CALN1: variants seen among roughly 807,000 people sequenced by gnomAD.
CALN1 encodes calneuron 1.
CALN1 carries 17 observed loss-of-function variants against 30.6 expected under a neutral mutation model. The observed-to-expected ratio is 0.56, with a 90% CI of 0.38 to 0.83. The LOEUF (loss-of-function observed/expected upper bound fraction) is 0.83, where lower values mean the gene tolerates loss of function less well. Ranked by LOEUF, CALN1 falls within the 40% of genes least tolerant of loss-of-function variation. CALN1 has a pLI of 0.00. For synonymous variants in CALN1, 156 were observed against 131.4 expected (o/e 1.19, Z -1.28); for missense variants, 291 against 354.9 (o/e 0.82, Z 1.45).
intron 3 of CALN1, among the ~76,000 whole-genome samples, chr7:72,214,913 T>C (rs946856752): frequency 1.3e-5 from 2 of 150,522 alleles, no homozygotes; most frequent in Non-Finnish European, 2.9e-5. Context: ...TCTGTCACCG[T>C]CTCCCATCAC....
the CALN1 span, among the ~76,000 whole-genome samples, chr7:72,456,616 C>T: frequency 7.9e-5 from 12 of 152,060 alleles, no homozygotes; most frequent in Admixed American, 2.0e-4. Context: ...CTTTGGAAGG[C>T]CGAGGCTGGC....
chr7:71,810,593 G>A, intron 5 of CALN1, 101 bp from the exon 6 acceptor site: 1 of 1,201,636 alleles, frequency 8.3e-7, no homozygotes, highest in Non-Finnish European at 1.2e-6. Flanking sequence ...GCAGAAACTT[G>A]TCTCAGCGTT....
In CALN1 at chr7:72,089,227, A is replaced by C. The variant is rs547568999; in HGVS notation, c.388+16924T>G. On this transcript the variant is annotated intron_variant, in intron 4 of 6. Transcript: ENST00000395275. ...CTTATCTTCCATAAAAAAGGTATTA[A>C]TCATTTGTAACTGATATTAGCTGTT... is the stretch of plus-strand genomic sequence containing the variant. Among the ~76,000 whole-genome samples, 16 of 152,286 alleles carry C rather than the reference A, an allele frequency of 1.1e-4. No homozygotes were observed. In the South Asian group the frequency reaches 3.3e-3, roughly 32 times the overall value.
chr7:72,421,053 T>C (rs1342704162), intron 1 of CALN1, among the ~76,000 whole-genome samples: 1 of 152,188 alleles, frequency 6.6e-6, no homozygotes, highest in Non-Finnish European at 1.5e-5. Flanking sequence ...CACTTTCCTT[T>C]GCGTCCAGTG....
chr7:71,869,516 A>T (rs976259303), intron 5 of CALN1, among the ~76,000 whole-genome samples: 1 of 151,600 alleles, frequency 6.6e-6, no homozygotes, highest in African/African-American at 2.4e-5. Flanking sequence ...CTGGCCAAAC[A>T]CTCCTTTAAA....
At chr7:72,247,223 CTTTCTTTTTTT>C (rs1562791254) in intron 3 of CALN1, among the ~76,000 whole-genome samples, 9 of 43,510 alleles carry the variant, frequency 2.1e-4, no homozygotes, top group African/African-American at 4.8e-4. Context: ...AGACCATTTT[CTTTCTTTTTTT>C]TTTTTTTTTT....
chr7:72,476,343 T>C, the CALN1 span, among the ~76,000 whole-genome samples: 4 of 152,272 alleles, frequency 2.6e-5, no homozygotes, highest in East Asian at 3.9e-4. Flanking sequence ...TCCCCAGCCA[T>C]GCTAAACTGT....
intron 5 of CALN1, among the ~76,000 whole-genome samples, chr7:71,906,433 AT>A (rs1794140714): frequency 6.6e-6 from 1 of 152,202 alleles, no homozygotes; most frequent in African/African-American, 2.4e-5. Context: ...AGGGAGAAAT[AT>A]AGTAGTCACT....
intron 3 of CALN1, among the ~76,000 whole-genome samples, chr7:72,261,757 C>T (rs1479428247): frequency 6.6e-6 from 1 of 152,070 alleles, no homozygotes; most frequent in Non-Finnish European, 1.5e-5. Context: ...GAAAAAAACA[C>T]CACCACCACA....
intron 4 of CALN1, among the ~76,000 whole-genome samples, chr7:72,086,003 G>C (rs1380808475): frequency 6.6e-6 from 1 of 151,716 alleles, no homozygotes; most frequent in Non-Finnish European, 1.5e-5. Context: ...GTCAGGTTAC[G>C]AAAAAAGAGA....
intron 4 of CALN1, among the ~76,000 whole-genome samples, chr7:72,100,144 T>A (rs1176160937): frequency 1.5e-5 from 2 of 130,128 alleles, no homozygotes; most frequent in Non-Finnish European, 3.2e-5. Flanking sequence ...ATCTTTTTTT[T>A]AATTTTTTTG....
chr7:72,453,477 A>C, the CALN1 span, among the ~76,000 whole-genome samples: 1 of 152,226 alleles, frequency 6.6e-6, no homozygotes, highest in Non-Finnish European at 1.5e-5. Context: ...AATGGTAAAC[A>C]GTCATGATGC....
At position 72,395,664 on chromosome 7, in the gene CALN1, G is replaced by A. The variant is rs73364964; in HGVS notation, c.119+7587C>T. ...GTGAAAGTCAGATTGCCAAGAGGTG[G>A]GGTCCAAGAATCTCCAGGAGGGTGA... On this transcript the variant is annotated intron_variant, in intron 2 of 6. Transcript: ENST00000395275. Among the ~76,000 whole-genome samples the A allele has an allele frequency of 3.3e-3, 495 of 152,246 alleles. 2 individuals carry two copies. The highest frequency in any genetic ancestry group is 0.011 in the African/African-American group (474 of 41,552).
intron 3 of CALN1, among the ~76,000 whole-genome samples, chr7:72,205,551 A>AAAAATATATATATATATATAT: frequency 3.6e-5 from 3 of 83,052 alleles, no homozygotes; most frequent in African/African-American, 2.2e-4. Flanking sequence ...GCAAAAAAAA[A>AAAAATATATATATATATATAT]ATATATATAT....
chr7:72,408,844 ATTTTTGTAT>A (rs1017842668), intron 1 of CALN1, among the ~76,000 whole-genome samples: 3 of 151,448 alleles, frequency 2.0e-5, no homozygotes, highest in East Asian at 3.9e-4. Context: ...CTCCTGGCTA[ATTTTTGTAT>A]TTTTTGTAGA....
chr7:71,913,979 G>C (rs1048223768), intron 5 of CALN1: 7 of 152,238 alleles, frequency 4.6e-5, no homozygotes, highest in South Asian at 4.1e-4. Flanking sequence ...AGGTGAAATA[G>C]CCAGTCCAAG....
intron 2 of CALN1, among the ~76,000 whole-genome samples, chr7:72,290,244 T>C (rs778071061): frequency 6.6e-6 from 1 of 152,014 alleles, no homozygotes; most frequent in East Asian, 1.9e-4. Context: ...TTGCCATGTT[T>C]TGACTTTCTA....
At chr7:72,208,228 G>A (rs554226796) in intron 3 of CALN1, among the ~76,000 whole-genome samples, 11 of 152,298 alleles carry the variant, frequency 7.2e-5, no homozygotes, top group African/African-American at 2.6e-4. Context: ...GTTTTAATAA[G>A]TCACCTGGTT....
chr7:72,277,763 C>G (rs1797431962), intron 3 of CALN1, among the ~76,000 whole-genome samples: 2 of 152,038 alleles, frequency 1.3e-5, no homozygotes, highest in Admixed American at 1.3e-4. Flanking sequence ...AAATGAGGCT[C>G]CCTAATGTGC....
Sources: gnomAD v4.1 joint callset for allele counts (sites outside exome capture counted in the v4.1 genomes callset) on GRCh38, gnomAD v4.1.1 for gene constraint, MANE v1.5 for transcripts, NCBI Gene and HGNC (gene_info 2026-07-23, HGNC 2026-07-21) for gene names.